PTPRD: variants seen among roughly 807,000 people sequenced by gnomAD.
The protein encoded by PTPRD is protein tyrosine phosphatase receptor type D.
A neutral mutation model predicts 214.5 loss-of-function variants in PTPRD; 34 were observed. The ratio of observed to expected loss-of-function variants is 0.16; its 90% CI spans 0.12 to 0.21. The LOEUF is 0.21. Ranked by LOEUF, PTPRD falls within the 10% of genes least tolerant of loss-of-function variation. PTPRD has a pLI of 1.00. For missense variants in PTPRD, 2,545 were observed against 2,398.7 expected (o/e 1.06, Z -1.27); for synonymous variants, 1,128 against 845.7 (o/e 1.33, Z -5.79).
chr9:8,384,254 T>C (rs981475832), intron 37 of PTPRD, among the ~76,000 whole-genome samples: 10 of 152,300 alleles, frequency 6.6e-5, no homozygotes, highest in Admixed American at 6.5e-4. Flanking sequence ...CCTCCTTCCA[T>C]GTGGTTGCCC....
intron 2 of PTPRD, among the ~76,000 whole-genome samples, chr9:10,476,973 T>C (rs1385369765): frequency 6.6e-6 from 1 of 151,846 alleles, no homozygotes; most frequent in Non-Finnish European, 1.5e-5. Flanking sequence ...TTAGACGTTA[T>C]AGAAAAATTA....
At chr9:9,444,121 AG>A (rs989912224) in intron 8 of PTPRD, among the ~76,000 whole-genome samples, 34 of 152,196 alleles carry the variant, frequency 2.2e-4, no homozygotes, top group African/African-American at 8.2e-4. Context: ...TTAAATTTTT[AG>A]AAAGTTTTGC....
chr9:9,820,729 TA>T, intron 5 of PTPRD, among the ~76,000 whole-genome samples: 1 of 152,270 alleles, frequency 6.6e-6, no homozygotes, highest in Non-Finnish European at 1.5e-5. Context: ...TACTATTTAT[TA>T]AATAGGCAGT....
intron 3 of PTPRD, among the ~76,000 whole-genome samples, chr9:10,304,947 C>T (rs1025389179): frequency 1.3e-5 from 2 of 152,144 alleles, no homozygotes; most frequent in Admixed American, 1.3e-4. Flanking sequence ...TCCTGCATTG[C>T]CGAGACAATC....
chr9:9,388,532 T>C (rs984734687), intron 9 of PTPRD, among the ~76,000 whole-genome samples: 1 of 152,150 alleles, frequency 6.6e-6, no homozygotes, highest in African/African-American at 2.4e-5. Flanking sequence ...ATGGTTACCT[T>C]AGTTTTAAGC....
intron 2 of PTPRD, among the ~76,000 whole-genome samples, chr9:10,424,313 TTCTCTCTC>T (rs35994999): frequency 1.3e-4 from 19 of 145,588 alleles, no homozygotes; most frequent in South Asian, 2.2e-4. Context: ...TGGTTTCCTT[TTCTCTCTC>T]TCTCTCTCTC....
At chr9:10,550,343 TG>T (rs2061042104) in intron 2 of PTPRD, among the ~76,000 whole-genome samples, 1 of 152,206 alleles carries the variant, frequency 6.6e-6, no homozygotes, top group African/African-American at 2.4e-5. Context: ...TTTTGCGTGA[TG>T]CTGAGGTGTA....
chr9:9,738,861 T>C (rs1000866161), intron 6 of PTPRD, among the ~76,000 whole-genome samples: 14 of 152,298 alleles, frequency 9.2e-5, no homozygotes, highest in East Asian at 7.7e-4. Flanking sequence ...TTTCACTCTA[T>C]GGTATTATTT....
At chr9:9,773,132 A>G (rs1313612624) in intron 5 of PTPRD, among the ~76,000 whole-genome samples, 1 of 152,204 alleles carries the variant, frequency 6.6e-6, no homozygotes, top group African/African-American at 2.4e-5. Flanking sequence ...AGATAAGTGT[A>G]TAAAAAGATC....
At chr9:9,448,314 C>A (rs2091113754) in intron 8 of PTPRD, among the ~76,000 whole-genome samples, 1 of 152,032 alleles carries the variant, frequency 6.6e-6, no homozygotes, top group African/African-American at 2.4e-5. Context: ...AGGGAGGGAC[C>A]TGTAATCCTC....
At chr9:10,201,580 A>G (rs1324136174) in intron 3 of PTPRD, among the ~76,000 whole-genome samples, 3 of 151,640 alleles carry the variant, frequency 2.0e-5, no homozygotes, top group Admixed American at 6.6e-5. Flanking sequence ...GTGCATATAT[A>G]TGTGTGTGTG....
chr9:8,904,358 C>T (rs1201713474), intron 11 of PTPRD, among the ~76,000 whole-genome samples: 1 of 152,082 alleles, frequency 6.6e-6, no homozygotes. Flanking sequence ...GCTTATTTCT[C>T]AAACTTGGAT....
At chr9:10,127,530 G>A (rs2098828880) in intron 3 of PTPRD, among the ~76,000 whole-genome samples, 1 of 152,042 alleles carries the variant, frequency 6.6e-6, no homozygotes, top group African/African-American at 2.4e-5. Context: ...AAATCCCAAT[G>A]TATTAGTTTA....
chr9:9,750,331 AAAAG>A (rs2154464338), intron 6 of PTPRD, among the ~76,000 whole-genome samples: 1 of 152,294 alleles, frequency 6.6e-6, no homozygotes, highest in East Asian at 1.9e-4. Flanking sequence ...CATCCAAAAA[AAAAG>A]AGCTGGAAAT....
At chr9:8,845,942 A>G (rs1566567881) in intron 11 of PTPRD, among the ~76,000 whole-genome samples, 1 of 152,206 alleles carries the variant, frequency 6.6e-6, no homozygotes, top group Non-Finnish European at 1.5e-5. Context: ...GGCAGCCTGG[A>G]TGAGGCCCCT....
intron 10 of PTPRD, among the ~76,000 whole-genome samples, chr9:9,159,062 C>T (rs956341587): frequency 6.6e-6 from 1 of 152,174 alleles, no homozygotes; most frequent in African/African-American, 2.4e-5. Context: ...TATCTCAACA[C>T]AATAAAGGCT....
chr9:8,677,019 TAAAAA>T (rs2097436535), intron 12 of PTPRD, among the ~76,000 whole-genome samples: 1 of 152,228 alleles, frequency 6.6e-6, no homozygotes, highest in Non-Finnish European at 1.5e-5. Flanking sequence ...CATTTAGTTA[TAAAAA>T]GCCATAATGG....
chr9:8,737,205 T>A (rs2090663969), intron 11 of PTPRD, among the ~76,000 whole-genome samples: 1 of 152,202 alleles, frequency 6.6e-6, no homozygotes, highest in Admixed American at 6.5e-5. Flanking sequence ...TGATAGGATC[T>A]AGCACTCTAG....
intron 3 of PTPRD, among the ~76,000 whole-genome samples, chr9:10,187,453 T>C (rs994354814): frequency 1.3e-5 from 2 of 152,206 alleles, no homozygotes; most frequent in African/African-American, 4.8e-5. Context: ...AAATTTACTT[T>C]ACAGTTTGCT....
Sources: allele counts gnomAD v4.1 joint callset (sites outside exome capture counted in the v4.1 genomes callset), GRCh38; gene constraint gnomAD v4.1.1; transcripts MANE v1.5; gene names NCBI Gene and HGNC (gene_info 2026-07-23, HGNC 2026-07-21).